The following ARHGAP26 variants were observed in gnomAD, a reference collection of about 807,000 sequenced individuals.
ARHGAP26 encodes the protein rho GTPase-activating protein 26.
Under a neutral mutation model 104.8 loss-of-function variants are expected in ARHGAP26, and 38 were observed. That is an observed-to-expected ratio of 0.36 (90% confidence interval 0.28 to 0.48). ARHGAP26 has a LOEUF of 0.48. Ranked by LOEUF, ARHGAP26 falls within the 20% of genes least tolerant of loss-of-function variation. The probability of loss-of-function intolerance (pLI) is 0.99; values close to 1 mark genes in which losing one functional copy is unlikely to be tolerated. For synonymous variants in ARHGAP26, 341 were observed against 340.0 expected (o/e 1.00, Z -0.03); for missense variants, 704 against 947.9 (o/e 0.74, Z 3.38).
chr5:143,196,655 G>A (rs1463702845), intron 20 of ARHGAP26, among the ~76,000 whole-genome samples: 1 of 152,148 alleles, frequency 6.6e-6, no homozygotes, highest in Non-Finnish European at 1.5e-5. Flanking sequence ...AGGAACATTT[G>A]ACAGTGCTTC....
chr5:143,164,612 C>G (rs1801687472), intron 20 of ARHGAP26, among the ~76,000 whole-genome samples: 1 of 152,166 alleles, frequency 6.6e-6, no homozygotes, highest in Non-Finnish European at 1.5e-5. Flanking sequence ...TTATTCTTTT[C>G]ACTAGTATGC....
intron 11 of ARHGAP26, among the ~76,000 whole-genome samples, chr5:143,012,603 C>G (rs1779049661): frequency 1.3e-5 from 1 of 76,606 alleles, no homozygotes; most frequent in African/African-American, 3.8e-5. Flanking sequence ...TTATGCCTTT[C>G]TATACCTACA....
At chr5:142,932,469 C>G (rs980082838) in intron 11 of ARHGAP26, among the ~76,000 whole-genome samples, 4 of 152,174 alleles carry the variant, frequency 2.6e-5, no homozygotes, top group South Asian at 2.1e-4. Context: ...GGAGGTGAGC[C>G]TGGTAATATG....
Position 142,942,399 on chromosome 5 carries a change from A to G in ARHGAP26, c.1107+10274A>G, listed in dbSNP as rs563499952. ...AAAGTATTAAAACATTTATGATACA[A>G]TAAACATGAAATAAGATATCTGGGC... On this transcript the variant is annotated intron_variant, in intron 11 of 22. Transcript: ENST00000645722. Among the ~76,000 whole-genome samples, 4 of 152,360 alleles carry G rather than the reference A, an allele frequency of 2.6e-5. No individual in the cohort carries two copies. The South Asian group carries it at 8.3e-4, about 32-fold the overall frequency.
intron 20 of ARHGAP26, among the ~76,000 whole-genome samples, chr5:143,205,615 C>T (rs1413798026): frequency 6.6e-6 from 1 of 152,170 alleles, no homozygotes; most frequent in African/African-American, 2.4e-5. Context: ...CAGGGCAAGT[C>T]CTGCTATGTC....
intron 11 of ARHGAP26, among the ~76,000 whole-genome samples, chr5:142,940,543 A>G (rs1766100523): frequency 6.6e-6 from 1 of 152,166 alleles, no homozygotes; most frequent in Non-Finnish European, 1.5e-5. Context: ...AAGTGAGAAT[A>G]TGGGATATCT....
chr5:142,837,879 T>C (rs1769907173), intron 1 of ARHGAP26, among the ~76,000 whole-genome samples: 1 of 152,240 alleles, frequency 6.6e-6, no homozygotes, highest in East Asian at 1.9e-4. Flanking sequence ...TAGTTATTTA[T>C]GTACATAATT....
chr5:143,029,601 G>T (rs1375425343), intron 12 of ARHGAP26, among the ~76,000 whole-genome samples: 1 of 151,474 alleles, frequency 6.6e-6, no homozygotes, highest in African/African-American at 2.4e-5. Context: ...TAGAGATGAG[G>T]TTTCACCATG....
intron 14 of ARHGAP26, among the ~76,000 whole-genome samples, chr5:143,048,873 A>G (rs1784588807): frequency 6.8e-6 from 1 of 146,730 alleles, no homozygotes; most frequent in Non-Finnish European, 1.5e-5. Flanking sequence ...GAGTCGTGCC[A>G]TTGCACTCCA....
At position 142,931,558 on chromosome 5, in the gene ARHGAP26, C is replaced by T. The variant is rs974338293; in HGVS notation, c.1029-489C>T. Among the ~76,000 whole-genome samples, 6 of 152,142 alleles carry T rather than the reference C, an allele frequency of 3.9e-5. 1 individual carries two copies. The highest frequency in any genetic ancestry group is 5.9e-5 in the Non-Finnish European group (4 of 68,024). On this transcript the variant is annotated intron_variant, in intron 10 of 22. Transcript: ENST00000645722. Reference sequence around the variant, plus strand: ...AGATGATGACCACCATAAAACTTCTCCATGTCTGAAGCAGTTTAGAAGCAG... The same window carrying T: ...AGATGATGACCACCATAAAACTTCTTCATGTCTGAAGCAGTTTAGAAGCAG...
chr5:142,992,920 A>G (rs1775831404), intron 11 of ARHGAP26, among the ~76,000 whole-genome samples: 1 of 152,216 alleles, frequency 6.6e-6, no homozygotes, highest in African/African-American at 2.4e-5. Context: ...AAATGCTGCT[A>G]GACAGATGGC....
chr5:143,121,254 C>A, intron 18 of ARHGAP26, 107 bp downstream of exon 18: 1 of 1,169,198 alleles, frequency 8.6e-7, no homozygotes, highest in Non-Finnish European at 1.2e-6. Context: ...CACTCTTACA[C>A]TGTCATGACG....
intron 12 of ARHGAP26, among the ~76,000 whole-genome samples, chr5:143,027,462 G>C (rs1046459365): frequency 6.6e-6 from 1 of 151,536 alleles, no homozygotes; most frequent in Non-Finnish European, 1.5e-5. Context: ...GGGATTCTGG[G>C]TATGAGCCAC....
At chr5:143,181,918 A>G (rs1804437572) in intron 20 of ARHGAP26, among the ~76,000 whole-genome samples, 1 of 152,192 alleles carries the variant, frequency 6.6e-6, no homozygotes, top group Non-Finnish European at 1.5e-5. Context: ...ATGGTCAGCC[A>G]TTGTTTACCT....
chr5:142,907,679 T>A, intron 8 of ARHGAP26, 25 bp from the exon 9 acceptor site: 2 of 1,535,276 alleles, frequency 1.3e-6, no homozygotes, highest in Non-Finnish European at 1.8e-6. Flanking sequence ...TGTATAGATA[T>A]TTTATGGGAA....
At chr5:142,921,067 C>G (rs1763124728) in intron 10 of ARHGAP26, among the ~76,000 whole-genome samples, 1 of 152,142 alleles carries the variant, frequency 6.6e-6, no homozygotes, top group Non-Finnish European at 1.5e-5. Flanking sequence ...TCTTTCATAC[C>G]AGTTCCAAAG....
intron 14 of ARHGAP26, among the ~76,000 whole-genome samples, chr5:143,044,302 C>A (rs1448530083): frequency 6.6e-6 from 1 of 152,110 alleles, no homozygotes; most frequent in Non-Finnish European, 1.5e-5. Flanking sequence ...TTGCCCCTTC[C>A]TTCTTCTGGC....
At chr5:142,937,404 G>A (rs369092708) in intron 11 of ARHGAP26, among the ~76,000 whole-genome samples, 15 of 152,276 alleles carry the variant, frequency 9.9e-5, no homozygotes, top group Middle Eastern at 3.4e-3. Context: ...ACTGAATGCC[G>A]GCAAGGATGC....
chr5:142,977,543 C>A (rs1015392834), intron 11 of ARHGAP26, among the ~76,000 whole-genome samples: 4 of 152,018 alleles, frequency 2.6e-5, no homozygotes, highest in Admixed American at 1.3e-4. Context: ...GTGTTTTTTT[C>A]CCCCTGCTGG....
Sources: gnomAD v4.1 joint callset for allele counts (sites outside exome capture counted in the v4.1 genomes callset) on GRCh38, gnomAD v4.1.1 for gene constraint, MANE v1.5 for transcripts, NCBI Gene and HGNC (gene_info 2026-07-23, HGNC 2026-07-21) for gene names.